Variants in FRMPD4 observed in about 807,000 individuals in gnomAD.
FRMPD4 encodes FERM and PDZ domain-containing protein 4.
A neutral mutation model predicts 94.1 loss-of-function variants in FRMPD4; 22 were observed. That is an observed-to-expected ratio of 0.23 (90% CI 0.17 to 0.33). The LOEUF (loss-of-function observed/expected upper bound fraction) is 0.33. FRMPD4 is among the 10% of genes least tolerant of loss of function. The probability of loss-of-function intolerance (pLI) is 1.00; values close to 1 mark genes in which losing one functional copy is unlikely to be tolerated. For missense variants in FRMPD4, 1,111 were observed against 1,339.9 expected (o/e 0.83, Z 2.67); for synonymous variants, 631 against 548.6 (o/e 1.15, Z -2.10).
chrX:12,366,647 C>T (rs1407249165), intron 1 of FRMPD4, among the ~76,000 whole-genome samples: 2 of 112,333 alleles, frequency 1.8e-5, no homozygotes, highest in East Asian at 2.8e-4. Flanking sequence ...CCAGACTATG[C>T]CAGCTCAGGA....
At chrX:12,307,826 A>G (rs1434660067) in intron 1 of FRMPD4, among the ~76,000 whole-genome samples, 1 of 111,884 alleles carries the variant, frequency 8.9e-6, no homozygotes, top group Admixed American at 9.5e-5. Context: ...GACAAATGTC[A>G]CACAGCACAC....
intron 1 of FRMPD4, among the ~76,000 whole-genome samples, chrX:11,849,160 A>T (rs889017437): frequency 8.9e-5 from 10 of 111,898 alleles, no homozygotes; most frequent in Non-Finnish European, 1.5e-4. Context: ...CTGTATAACA[A>T]TGATCAACCT....
At chrX:12,305,725 GTTTTT>G (rs58794898) in intron 1 of FRMPD4, among the ~76,000 whole-genome samples, 3 of 59,700 alleles carry the variant, frequency 5.0e-5, no homozygotes, top group Admixed American at 2.8e-4. Flanking sequence ...AGCTGGCTAA[GTTTTT>G]TTTTTTTTTT....
intron 1 of FRMPD4, among the ~76,000 whole-genome samples, chrX:12,450,863 C>CAAA (rs5901475): frequency 0.088 from 4,362 of 49,449 alleles, 254 homozygotes; most frequent in East Asian, 0.17. Context: ...TCTATTTATC[C>CAAA]AAAAAAAAAA....
At chrX:12,301,389 G>A (rs2054858165) in intron 1 of FRMPD4, among the ~76,000 whole-genome samples, 1 of 111,877 alleles carries the variant, frequency 8.9e-6, no homozygotes, top group Non-Finnish European at 1.9e-5. Flanking sequence ...TACTTCTGCA[G>A]CTTCTCCCAA....
chrX:12,521,608 T>C (rs1363573316), intron 2 of FRMPD4, among the ~76,000 whole-genome samples: 1 of 112,739 alleles, frequency 8.9e-6, no homozygotes, highest in Non-Finnish European at 1.9e-5. Context: ...GTTCTTCTAT[T>C]TTTGTTCACC....
chrX:12,388,818 G>GATATATATATATATATATATAT (rs3068660), intron 1 of FRMPD4, among the ~76,000 whole-genome samples: 8 of 60,727 alleles, frequency 1.3e-4, no homozygotes, highest in African/African-American at 6.7e-4. Context: ...AAGAAAATGT[G>GATATATATATATATATATATAT]ATATATATAT....
intron 1 of FRMPD4, among the ~76,000 whole-genome samples, chrX:11,840,789 A>C (rs1286608294): frequency 5.6e-5 from 6 of 107,104 alleles, no homozygotes; most frequent in Non-Finnish European, 9.6e-5. Flanking sequence ...ACATGTGCAC[A>C]ATGTGCAGGT....
chrX:11,858,934 TAAG>T (rs1268815644), intron 1 of FRMPD4, among the ~76,000 whole-genome samples: 2 of 111,715 alleles, frequency 1.8e-5, no homozygotes, highest in Non-Finnish European at 3.8e-5. Context: ...GTAAATTTAA[TAAG>T]AAGATGTGTT....
At chrX:12,676,315 A>T (rs1182229267) in intron 5 of FRMPD4, among the ~76,000 whole-genome samples, 1 of 112,520 alleles carries the variant, frequency 8.9e-6, no homozygotes, top group Non-Finnish European at 1.9e-5. Context: ...GGTTAATCAA[A>T]TTGTCATTTT....
At chrX:12,668,678 C>T (rs191223676) in intron 4 of FRMPD4, among the ~76,000 whole-genome samples, 1 of 100,603 alleles carries the variant, frequency 9.9e-6, no homozygotes, top group East Asian at 3.2e-4. Flanking sequence ...AATCTTGGCT[C>T]ACTGCAACCT....
chrX:11,912,827 A>G (rs898236004), intron 3 of FRMPD4, among the ~76,000 whole-genome samples: 2 of 111,527 alleles, frequency 1.8e-5, no homozygotes, highest in African/African-American at 3.3e-5. Flanking sequence ...CTGCTTCTAG[A>G]CAGTAGAAAA....
chrX:12,718,726 C>A lies in FRMPD4; in HGVS notation c.3900C>A (p.Thr1300=). Residue 1300 remains threonine, a synonymous_variant, in exon 16 of 17, where the codon ACC becomes ACA. Transcript: ENST00000675598. ...CTGCTCTGCACACAGCCATTAACACCGAACCCCTGTTTGGCACATTGAGAG... is the reference window on the plus strand; with the variant it reads ...CTGCTCTGCACACAGCCATTAACACAGAACCCCTGTTTGGCACATTGAGAG... ...TVPALHTAIN[T]EPLFGTLRDG... 2 of 1,209,776 alleles carry A rather than the reference C, an allele frequency of 1.7e-6. No homozygotes were observed. The highest frequency in any genetic ancestry group is 2.2e-6 in the Non-Finnish European group (2 of 893,788).
rs906677126 is a variant in FRMPD4 at position 11,956,223 on chromosome X, G to A, written c.95+78205G>A. ...GCCAAAATAGAGCCATCCTCAAGCC[G>A]ACCCAGCTCTTCACATAGCTAGAAC... On this transcript the variant is annotated intron_variant, in intron 3 of 18. Coordinates refer to the FRMPD4 transcript ENST00000640291. 1.7e-4 allele frequency among the ~76,000 whole-genome samples: 19 copies of A among 111,730 alleles called. 2 individuals carry two copies. The highest frequency in any genetic ancestry group is 1.4e-3 in the Admixed American group (15 of 10,502).
chrX:11,967,756 G>GTGTGTGTGTTTTTTTTT, intron 3 of FRMPD4, among the ~76,000 whole-genome samples: 1 of 65,569 alleles, frequency 1.5e-5, no homozygotes, highest in Non-Finnish European at 2.8e-5. Flanking sequence ...GTGTGTGTGT[G>GTGTGTGTGTTTTTTTTT]TTTTTTTTTT....
chrX:12,389,249 G>A (rs191516115), intron 1 of FRMPD4, among the ~76,000 whole-genome samples: 186 of 109,975 alleles, frequency 1.7e-3, no homozygotes, highest in African/African-American at 5.6e-3. Context: ...TGAGGTGGGC[G>A]GATCACCTCA....
chrX:11,932,142 G>A (rs1395456210), intron 3 of FRMPD4, among the ~76,000 whole-genome samples: 3 of 111,866 alleles, frequency 2.7e-5, no homozygotes, highest in Non-Finnish European at 5.6e-5. Context: ...CTCCCTTGCC[G>A]TTTAGGTGGG....
Position 12,359,206 on chromosome X carries a change from T to G in FRMPD4, c.42-139474T>G, listed in dbSNP as rs186291746. ...AATAGAATGAACTAACTGATGGAAA[T>G]CCAGGGCATAGTCCCCATTTAACTA... On this transcript the variant is annotated intron_variant, in intron 1 of 16. Transcript: ENST00000675598. Among the ~76,000 whole-genome samples, 12 of 111,996 alleles carry G rather than the reference T, an allele frequency of 1.1e-4. No homozygotes were observed. The East Asian group carries it at 3.1e-3, about 29-fold the overall frequency.
chrX:12,447,032 T>C (rs1211344424), intron 1 of FRMPD4, among the ~76,000 whole-genome samples: 2 of 111,316 alleles, frequency 1.8e-5, no homozygotes, highest in Admixed American at 9.5e-5. Context: ...TGGACCTTTT[T>C]GCCACCAAGC....
Sources: allele counts gnomAD v4.1 joint callset (sites outside exome capture counted in the v4.1 genomes callset), GRCh38; gene constraint gnomAD v4.1.1; transcripts MANE v1.5; gene names NCBI Gene and HGNC (gene_info 2026-07-23, HGNC 2026-07-21).